Variants in CES5A observed in about 807,000 individuals in gnomAD.
CES5A encodes the protein carboxylesterase 5.
A neutral mutation model predicts 62.9 loss-of-function variants in CES5A; 67 were observed. The ratio of observed to expected loss-of-function variants is 1.07; its 90% CI spans 0.88 to 1.31. The LOEUF is 1.31. Ranked by LOEUF, CES5A falls within the 50% of genes most tolerant of loss-of-function variation. The pLI is 0.00. For missense variants in CES5A, 748 were observed against 708.5 expected (o/e 1.06, Z -0.63); for synonymous variants, 296 against 280.8 (o/e 1.05, Z -0.54).
At chr16:55,848,058 G>A (rs2033051548) in intron 11 of CES5A, among the ~76,000 whole-genome samples, 1 of 151,984 alleles carries the variant, frequency 6.6e-6, no homozygotes, top group Non-Finnish European at 1.5e-5. Context: ...TTATAGGCAT[G>A]AGCCACCACA....
chr16:55,896,734 A>T (rs2033938289), intron 1 of CES5A, among the ~76,000 whole-genome samples: 1 of 152,214 alleles, frequency 6.6e-6, no homozygotes, highest in Non-Finnish European at 1.5e-5. Flanking sequence ...ACAATCTGAC[A>T]GGCACTGTAG....
chr16:55,951,502 T>C (rs2142488488), intron 1 of CES5A, among the ~76,000 whole-genome samples: 1 of 152,264 alleles, frequency 6.6e-6, no homozygotes, highest in Admixed American at 6.5e-5. Flanking sequence ...GTCATTTAAA[T>C]GGAAAATCTT....
At position 55,955,988 on chromosome 16, in the gene CES5A, G is replaced by A; in HGVS notation, c.-103C>T. 10 of 1,304,184 alleles carry A rather than the reference G, an allele frequency of 7.7e-6. No individual in the cohort carries two copies. In the Middle Eastern group the frequency reaches 7.3e-4, roughly 95 times the overall value. The allele number at this position is 1,304,184 out of a possible 1,614,324, so 80.8% of individuals were successfully genotyped here. Reference sequence around the variant, plus strand: ...TCATGTACATGGTACAGCTGATAAAGAAAAGTCAAATGAGTTCACCACTTT... The same window carrying A: ...TCATGTACATGGTACAGCTGATAAAAAAAAGTCAAATGAGTTCACCACTTT... On this transcript the variant is annotated 5_prime_UTR_variant, in exon 1 of 14. Coordinates refer to the CES5A transcript ENST00000521992.
Position 55,846,497 on chromosome 16 carries a change from G to C in CES5A, c.1682C>G (p.Thr561Ser). 6.2e-7 allele frequency: 1 copy of C among 1,614,006 alleles called. No homozygotes were observed. The highest frequency in any genetic ancestry group is 8.5e-7 in the Non-Finnish European group (1 of 1,179,862). ...GAAAGGCTGGAGGAGAGAGAGGAAA[G>C]TTAAGGAAGAAAGAGGACTGTGGAG... Reference protein sequence around the residue: ...DMLHSPLSSLTFLSLLQPFFF... With the variant: ...DMLHSPLSSLSFLSLLQPFFF... The change falls in exon 13 of 13, where the codon ACT becomes AGT. Residue 561 changes from threonine to serine, a missense_variant. Thr to Ser is a moderately conservative substitution (Grantham distance 58, BLOSUM62 1). Transcript: ENST00000290567.
chr16:55,919,776 C>T (rs1345240922), intron 1 of CES5A, among the ~76,000 whole-genome samples: 2 of 152,176 alleles, frequency 1.3e-5, no homozygotes. Context: ...TGGACATAAA[C>T]CAACCCAACT....
chr16:55,919,817 C>T (rs1034219131), intron 1 of CES5A, among the ~76,000 whole-genome samples: 1 of 152,212 alleles, frequency 6.6e-6, no homozygotes. Context: ...ATAGCTGGCA[C>T]ATTTGAGCTC....
intron 1 of CES5A, among the ~76,000 whole-genome samples, chr16:55,874,784 G>T (rs892074359): frequency 2.0e-5 from 3 of 152,114 alleles, no homozygotes; most frequent in Admixed American, 6.5e-5. Context: ...AGCAAAACCC[G>T]GGTGTCTTAG....
Position 55,872,266 on chromosome 16 carries a change from G to C in CES5A, c.279-503C>G, listed in dbSNP as rs117904820. ...CCTGCACCCAGGCTTTGCTCAAGCCGGGCCCTTGCCTCGACTGCTCTCTCC... is the reference window on the plus strand; with the variant it reads ...CCTGCACCCAGGCTTTGCTCAAGCCCGGCCCTTGCCTCGACTGCTCTCTCC... On this transcript the variant is annotated intron_variant, in intron 2 of 12. Coordinates refer to ENST00000290567, the MANE Select transcript of CES5A (RefSeq NM_001143685.2). Among the ~76,000 whole-genome samples the C allele has an allele frequency of 4.3e-3, 662 of 152,284 alleles. 32 individuals are homozygous for C. In the East Asian group the frequency reaches 0.089, roughly 20 times the overall value.
intron 2 of CES5A, among the ~76,000 whole-genome samples, chr16:55,938,775 T>TATATATATATATATATATACACAC (rs2034410713): frequency 1.6e-5 from 1 of 61,868 alleles, no homozygotes; most frequent in Non-Finnish European, 3.0e-5. Context: ...AATATATATA[T>TATATATATATATATATATACACAC]ATATATATAT....
chr16:55,849,147 A>T (rs2033076954), intron 11 of CES5A, among the ~76,000 whole-genome samples: 1 of 152,210 alleles, frequency 6.6e-6, no homozygotes, highest in African/African-American at 2.4e-5. Context: ...CATAAACTTA[A>T]GAATAAATGA....
At chr16:55,923,744 A>G (rs1245561660) in intron 1 of CES5A, among the ~76,000 whole-genome samples, 1 of 151,928 alleles carries the variant, frequency 6.6e-6, no homozygotes, top group Non-Finnish European at 1.5e-5. Context: ...TCACTGAAGA[A>G]CTTAGATGCA....
At chr16:55,871,460 A>G (rs2033582906) in intron 3 of CES5A, among the ~76,000 whole-genome samples, 165 bp downstream of exon 3, 1 of 152,246 alleles carries the variant, frequency 6.6e-6, no homozygotes, top group Non-Finnish European at 1.5e-5. Flanking sequence ...AAAACTGATC[A>G]TGTGAATCTA....
intron 2 of CES5A, among the ~76,000 whole-genome samples, chr16:55,948,944 C>T (rs1200531664): frequency 1.3e-5 from 2 of 152,066 alleles, no homozygotes; most frequent in Admixed American, 6.5e-5. Flanking sequence ...GCAGAAGGAG[C>T]GGATTTGGGT....
intron 1 of CES5A, among the ~76,000 whole-genome samples, chr16:55,920,663 C>T (rs1471967236): frequency 6.6e-6 from 1 of 152,120 alleles, no homozygotes; most frequent in South Asian, 2.1e-4. Flanking sequence ...CAAAAGAAGC[C>T]AGCCAGGGAA....
At chr16:55,847,982 T>C (rs1287322632) in intron 11 of CES5A, among the ~76,000 whole-genome samples, 1 of 152,152 alleles carries the variant, frequency 6.6e-6, no homozygotes, top group Non-Finnish European at 1.5e-5. Flanking sequence ...TGATCATAGC[T>C]CACCGCAGCT....
At chr16:55,864,352 A>G (rs1173657406) in intron 5 of CES5A, among the ~76,000 whole-genome samples, 1 of 152,202 alleles carries the variant, frequency 6.6e-6, no homozygotes, top group Non-Finnish European at 1.5e-5. Context: ...TAACCTGCCA[A>G]CTGATGCCAA....
intron 11 of CES5A, among the ~76,000 whole-genome samples, chr16:55,848,133 G>A (rs2033053142): frequency 6.6e-6 from 1 of 151,944 alleles, no homozygotes; most frequent in Non-Finnish European, 1.5e-5. Context: ...TGAGACGGGA[G>A]TCTCACTCTG....
At position 55,866,060 on chromosome 16, in the gene CES5A, A is replaced by T. The variant is rs147290818; in HGVS notation, c.608T>A (p.Leu203Gln). 2.1e-3 allele frequency: 3,464 copies of T among 1,614,176 alleles called. 5 individuals carry two copies. Among genetic ancestry groups the T allele is most frequent in the Non-Finnish European group, 2.7e-3 (3,170 of 1,180,016 alleles). ...NWAFKDQVAA[L>Q]SWVQKNIEFF... ...CTCGATGTTCTTCTGGACCCAGGAC[A>T]GAGCAGCCACCTGGTCCTTGAAGGC... Residue 203 changes from leucine to glutamine, a missense_variant, in exon 5 of 13, where the codon CTG (leucine) becomes CAG (glutamine). Coordinates refer to ENST00000290567, the MANE Select transcript of CES5A (RefSeq NM_001143685.2).
At chr16:55,848,830 G>A (rs2033070369) in intron 11 of CES5A, among the ~76,000 whole-genome samples, 1 of 152,092 alleles carries the variant, frequency 6.6e-6, no homozygotes, top group African/African-American at 2.4e-5. Context: ...ACGTTTATTA[G>A]GTATTCACTC....
Sources: gnomAD v4.1 joint callset for allele counts (sites outside exome capture counted in the v4.1 genomes callset) on GRCh38, gnomAD v4.1.1 for gene constraint, MANE v1.5 for transcripts, NCBI Gene and HGNC (gene_info 2026-07-23, HGNC 2026-07-21) for gene names.